Variants in ARL5C observed in about 807,000 individuals in gnomAD.
The protein encoded by ARL5C is putative ADP-ribosylation factor-like protein 5C.
Under a neutral mutation model 20.8 loss-of-function variants are expected in ARL5C, and 21 were observed. That is an observed-to-expected ratio of 1.01 (90% CI 0.72 to 1.46). ARL5C has a LOEUF of 1.46. Among genes scored for constraint, ARL5C ranks in the 40% most tolerant of loss-of-function variants. The pLI, the probability that ARL5C is intolerant of heterozygous loss-of-function variation, is 0.00. For synonymous variants in ARL5C, 71 were observed against 81.6 expected (o/e 0.87, Z 0.70); for missense variants, 199 against 225.1 (o/e 0.88, Z 0.74).
At position 39,156,916 on chromosome 17, in the gene ARL5C, TC is replaced by T. The variant is rs1206981025; in HGVS notation, c.517del (p.Glu173AsnfsTer?). On this transcript the variant is annotated frameshift_variant, in exon 6 of 6. Transcript: ENST00000269586. LOFTEE classifies it high-confidence loss of function. ...ACATCAGTTAGCAGCGGCCTGAGATTCCATCCACTGAAGTCTGGCAGGCAGC... is the reference window on the plus strand; with the variant it reads ...ACATCAGTTAGCAGCGGCCTGAGATTCATCCACTGAAGTCTGGCAGGCAGC... Reference protein sequence around the residue: ...EGLPARLQWMESQAAAN With the variant: ...EGLPARLQWMXSQAAAN 1 of 1,551,842 alleles carries T rather than the reference TC, an allele frequency of 6.4e-7. No individual in the cohort carries two copies. Among genetic ancestry groups the T allele is most frequent in the South Asian group, 1.2e-5 (1 of 84,060 alleles).
intron 4 of ARL5C, among the ~76,000 whole-genome samples, 197 bp downstream of exon 4, chr17:39,161,071 C>A (rs78355650): frequency 0.013 from 1,999 of 152,344 alleles, 41 homozygotes; most frequent in African/African-American, 0.046. Flanking sequence ...CTTGAACCAG[C>A]AACTCTGGCT....
Position 39,165,083 on chromosome 17 carries a change from G to C in ARL5C, c.103C>G (p.Arg35Gly). The stretch of plus-strand genomic sequence containing the variant: ...CCCCGCCCGAGAGTCACTTACAACC[G>C]GTAGAGAATGGTGGTCTTTCCTTCA... The part of the protein sequence containing the change: ...DNEGKTTILY[R>G]FLTNEVVHMC... The change falls in exon 2 of 6, where the codon CGG becomes GGG. Residue 35 changes from arginine to glycine, a missense_variant. Coordinates refer to ENST00000269586, the MANE Select transcript of ARL5C (RefSeq NM_001143968.1). 6.4e-7 allele frequency: 1 copy of C among 1,551,652 alleles called. No individual in the cohort carries two copies. Among genetic ancestry groups the C allele is most frequent in the Non-Finnish European group, 8.7e-7 (1 of 1,146,940 alleles).
intron 5 of ARL5C, among the ~76,000 whole-genome samples, chr17:39,159,969 A>G (rs889428552): frequency 2.6e-5 from 4 of 152,216 alleles, no homozygotes; most frequent in Non-Finnish European, 4.4e-5. Context: ...CACCAGAACT[A>G]AATCAGACCT....
At chr17:39,162,534 C>T (rs577046282) in intron 3 of ARL5C, among the ~76,000 whole-genome samples, 177 bp downstream of exon 3, 2 of 152,304 alleles carry the variant, frequency 1.3e-5, no homozygotes, top group East Asian at 1.9e-4. Flanking sequence ...CTCTTGACCT[C>T]AGGTGATCCA....
At chr17:39,157,847 A>G (rs553771898) in intron 5 of ARL5C, among the ~76,000 whole-genome samples, 3 of 150,706 alleles carry the variant, frequency 2.0e-5, no homozygotes, top group African/African-American at 7.3e-5. Context: ...TAATCCCAGC[A>G]CTTTGGGAGG....
chr17:39,161,268 C>T lies in ARL5C; in HGVS notation c.339G>A (p.Glu113=), dbSNP rs1325801326. 23 of 1,551,730 alleles carry T rather than the reference C, an allele frequency of 1.5e-5. No individual in the cohort carries two copies. Among genetic ancestry groups the T allele is most frequent in the Non-Finnish European group, 2.0e-5 (23 of 1,147,004 alleles). The change falls in exon 4 of 6, where the codon GAG becomes GAA. Residue 113 remains glutamate (E), a splice_region_variant and synonymous_variant. Coordinates refer to ENST00000269586, the MANE Select transcript of ARL5C (RefSeq NM_001143968.1). ...REELYKMLAH[E]ALQDASVLIF... is the part of the protein sequence containing the mutation. ...CCTCTCCCAACTGCAGGGGGCTTAC[C>T]TCATGGGCCAGCATTTTATATAGCT...
Position 39,165,980 on chromosome 17 carries a change from G to A in ARL5C, c.-220C>T. 1.7e-6 allele frequency: 1 copy of A among 584,110 alleles called. No individual in the cohort carries two copies. Among genetic ancestry groups the A allele is most frequent in the Non-Finnish European group, 3.0e-6 (1 of 328,198 alleles). The allele number at this position is 584,110 out of a possible 1,614,324, so 36.2% of individuals were successfully genotyped here. A position where few individuals can be genotyped will look rare whatever the true frequency, so the allele number is the denominator to read the frequency against. On this transcript the variant is annotated 5_prime_UTR_variant, in exon 1 of 6. Transcript: ENST00000269586. ...CAGTGACTAAGGGCTGCCTGTCCCG[G>A]GCCCAAGAGGTGCAAGGAATATGGG...
intron 1 of ARL5C, 178 bp downstream of exon 1, chr17:39,165,537 C>T: frequency 1.4e-6 from 1 of 728,028 alleles, no homozygotes; most frequent in Middle Eastern, 3.5e-4. Context: ...CACCGAAGCG[C>T]CGGGACCCAA....
At chr17:39,158,093 G>A (rs570791412) in intron 5 of ARL5C, among the ~76,000 whole-genome samples, 17 of 140,844 alleles carry the variant, frequency 1.2e-4, no homozygotes, top group South Asian at 1.0e-3. Flanking sequence ...GCAAGTGGCC[G>A]TCGAAGAAAG....
chr17:39,157,047 AC>A, intron 5 of ARL5C, 105 bp from the exon 6 acceptor site: 1 of 1,217,998 alleles, frequency 8.2e-7, no homozygotes, highest in Non-Finnish European at 1.2e-6. Flanking sequence ...AACCAAAGTT[AC>A]ATCCAATAAT....
intron 2 of ARL5C, among the ~76,000 whole-genome samples, chr17:39,163,623 C>T (rs879811319): frequency 6.6e-6 from 1 of 150,750 alleles, no homozygotes; most frequent in Non-Finnish European, 1.5e-5. Flanking sequence ...AACTCCTGAC[C>T]TCAAGTGATC....
intron 5 of ARL5C, among the ~76,000 whole-genome samples, chr17:39,159,022 G>GTTTTTTTTTTTTTTTTTTTTT (rs869126572): frequency 1.9e-5 from 1 of 52,456 alleles, no homozygotes; most frequent in East Asian, 7.2e-4. Context: ...TTTATCACTT[G>GTTTTTTTTTTTTTTTTTTTTT]TTTTTTTTTT....
At chr17:39,160,874 A>T in intron 4 of ARL5C, 132 bp from the exon 5 acceptor site, 1 of 1,074,228 alleles carries the variant, frequency 9.3e-7, no homozygotes, top group Non-Finnish European at 1.3e-6. Context: ...TGGGGCAGAG[A>T]TGGGGGCCCT....
chr17:39,163,718 T>C (rs2045449061), intron 2 of ARL5C, among the ~76,000 whole-genome samples: 3 of 132,834 alleles, frequency 2.3e-5, no homozygotes, highest in Admixed American at 7.4e-5. Context: ...TTTTTTTTTT[T>C]CCTTGAGATG....
intron 5 of ARL5C, among the ~76,000 whole-genome samples, chr17:39,159,535 G>A (rs2045424346): frequency 2.0e-5 from 3 of 152,110 alleles, no homozygotes; most frequent in African/African-American, 7.2e-5. Flanking sequence ...GACCTTGGGT[G>A]ATCTGCCCGC....
chr17:39,165,589 G>T, intron 1 of ARL5C, 126 bp downstream of exon 1: 1 of 1,230,666 alleles, frequency 8.1e-7, no homozygotes, highest in South Asian at 1.4e-5. Flanking sequence ...CCGCGGGGCA[G>T]TCGAGGAGCG....
Position 39,160,324 on chromosome 17 carries a change from C to CAAA in ARL5C, c.491+264_491+266dup, listed in dbSNP as rs35532222. ...GGCAACAAAGAGCAAAACTCTGTCT[C>CAAA]AAAAAAAAAAAAAAAGAGAGAGAGA... is the stretch of plus-strand genomic sequence containing the variant. On this transcript the variant is annotated intron_variant, in intron 5 of 5. Transcript: ENST00000269586. 3.1e-3 allele frequency: 842 copies of CAAA among 270,540 alleles called. 9 individuals are homozygous for CAAA. The highest frequency in any genetic ancestry group is 0.019 in the African/African-American group (717 of 38,096). 16.8% of individuals were successfully genotyped at this position (270,540 alleles called of 1,614,324 possible). A position where few individuals can be genotyped will look rare whatever the true frequency, so the allele number is the denominator to read the frequency against.
In ARL5C at chr17:39,166,058, G is replaced by A; in HGVS notation, c.-298C>T. ...CCCTGCGAAAACTCCTGAGTTCTCCGGGTGGACTGCTCCACTACCGCAAAT... is the reference window on the plus strand; with the variant it reads ...CCCTGCGAAAACTCCTGAGTTCTCCAGGTGGACTGCTCCACTACCGCAAAT... On this transcript the variant is annotated 5_prime_UTR_variant, in exon 1 of 6. Transcript: ENST00000269586. 2.3e-6 allele frequency: 1 copy of A among 439,510 alleles called. No homozygotes were observed. Among genetic ancestry groups the A allele is most frequent in the Non-Finnish European group, 4.2e-6 (1 of 239,002 alleles). The allele number at this position is 439,510 out of a possible 1,614,324, so 27.2% of individuals were successfully genotyped here.
At chr17:39,165,455 G>GC (rs2045458121) in intron 1 of ARL5C, 6 of 590,832 alleles carry the variant, frequency 1.0e-5, no homozygotes, top group Admixed American at 3.0e-5. Flanking sequence ...ACTCGCAGCA[G>GC]CCCCCCATCC....
Sources: gnomAD v4.1 joint callset for allele counts (sites outside exome capture counted in the v4.1 genomes callset) on GRCh38, gnomAD v4.1.1 for gene constraint, MANE v1.5 for transcripts, NCBI Gene and HGNC (gene_info 2026-07-23, HGNC 2026-07-21) for gene names.